PRR16: variants seen among roughly 807,000 people sequenced by gnomAD.
PRR16 encodes proline rich 16.
PRR16 carries 6 observed loss-of-function variants against 18.2 expected under a neutral mutation model. The ratio of observed to expected loss-of-function variants is 0.33; its 90% CI spans 0.18 to 0.65. The LOEUF (loss-of-function observed/expected upper bound fraction) is 0.65, where lower values mean the gene tolerates loss of function less well. Among genes scored for constraint, PRR16 ranks in the 30% least tolerant of loss-of-function variants. The pLI is 0.74. For synonymous variants in PRR16, 151 were observed against 147.8 expected (o/e 1.02, Z -0.16); for missense variants, 412 against 376.6 (o/e 1.09, Z -0.78).
At chr5:120,669,588 C>G (rs1756524068) in intron 1 of PRR16, among the ~76,000 whole-genome samples, 1 of 151,924 alleles carries the variant, frequency 6.6e-6, no homozygotes, top group Non-Finnish European at 1.5e-5. Context: ...TATATCTAAT[C>G]CTCCACATAC....
chr5:120,471,809 C>G (rs1225760209), intron 1 of PRR16, among the ~76,000 whole-genome samples: 1 of 152,000 alleles, frequency 6.6e-6, no homozygotes, highest in South Asian at 2.1e-4. Flanking sequence ...TAAACAAGAA[C>G]CAGAAAGTAG....
At position 120,597,382 on chromosome 5, in the gene PRR16, T is replaced by C. The variant is rs539380809; in HGVS notation, c.160-88572T>C. Among the ~76,000 whole-genome samples, 10 of 151,866 alleles carry C rather than the reference T, an allele frequency of 6.6e-5. No homozygotes were observed. In the East Asian group the frequency reaches 1.2e-3, roughly 18 times the overall value. On this transcript the variant is annotated intron_variant, in intron 1 of 1. Transcript: ENST00000407149. ...ATAAAACTATATTTTCCTGTGTTTT[T>C]TCTAAAATTTTATGTATTTTAAGAA...
chr5:120,554,546 G>A (rs1037961826), intron 1 of PRR16, among the ~76,000 whole-genome samples: 1 of 151,854 alleles, frequency 6.6e-6, no homozygotes, highest in Non-Finnish European at 1.5e-5. Flanking sequence ...ATTGCAACTT[G>A]GATTCAATCT....
chr5:120,645,941 T>A (rs75964398), intron 1 of PRR16, among the ~76,000 whole-genome samples: 39,201 of 151,246 alleles, frequency 0.26, 6,111 homozygotes, highest in Middle Eastern at 0.41. Context: ...CTATCTCTTA[T>A]TGCCCAATAT....
the PRR16 span, among the ~76,000 whole-genome samples, chr5:120,778,798 C>T: frequency 1.4e-4 from 21 of 152,014 alleles, no homozygotes; most frequent in Non-Finnish European, 2.9e-4. Flanking sequence ...ATTTGAAAGC[C>T]AGAGGAAAAA....
chr5:120,739,646 T>A, the PRR16 span, among the ~76,000 whole-genome samples: 4 of 152,282 alleles, frequency 2.6e-5, no homozygotes, highest in South Asian at 8.3e-4. Context: ...AATTTAAACC[T>A]AACAATAGCA....
At chr5:120,751,964 C>T in the PRR16 span, among the ~76,000 whole-genome samples, 2 of 151,944 alleles carry the variant, frequency 1.3e-5, no homozygotes, top group East Asian at 3.9e-4. Flanking sequence ...CAAAGATTTC[C>T]ACTTTATCTT....
chr5:120,782,558 T>C, the PRR16 span, among the ~76,000 whole-genome samples: 1 of 152,104 alleles, frequency 6.6e-6, no homozygotes, highest in South Asian at 2.1e-4. Context: ...TGCTTCCCTC[T>C]ATCTCAGTGG....
the PRR16 span, among the ~76,000 whole-genome samples, chr5:120,766,516 ATCTTTCTTTGTGGGT>A: frequency 6.6e-6 from 1 of 151,840 alleles, no homozygotes; most frequent in Non-Finnish European, 1.5e-5. Flanking sequence ...CATTGCAAAC[ATCTTTCTTTGTGGGT>A]TATGTTTTCA....
chr5:120,573,903 GTA>G (rs5870899), intron 1 of PRR16, among the ~76,000 whole-genome samples: 39,758 of 150,342 alleles, frequency 0.26, 5,480 homozygotes, highest in African/African-American at 0.29. Context: ...TGATATGTGT[GTA>G]TATATATATA....
At chr5:120,767,547 A>T in the PRR16 span, among the ~76,000 whole-genome samples, 2 of 151,894 alleles carry the variant, frequency 1.3e-5, no homozygotes, top group Non-Finnish European at 2.9e-5. Flanking sequence ...TTGAAGAGTC[A>T]AAGATTTTTT....
intron 1 of PRR16, among the ~76,000 whole-genome samples, chr5:120,572,059 A>G (rs1752924839): frequency 6.6e-6 from 1 of 152,208 alleles, no homozygotes. Flanking sequence ...CCGAAAGACC[A>G]GAAGTGGTAG....
chr5:120,583,412 A>G (rs1446013487), intron 1 of PRR16, among the ~76,000 whole-genome samples: 1 of 152,112 alleles, frequency 6.6e-6, no homozygotes, highest in Non-Finnish European at 1.5e-5. Context: ...GAAAGTCTAG[A>G]AAACCAGGTA....
chr5:120,794,541 A>G, the PRR16 span, among the ~76,000 whole-genome samples: 1 of 152,142 alleles, frequency 6.6e-6, no homozygotes. Context: ...GATGACGCCC[A>G]TATAAGATGG....
At chr5:120,775,527 C>T in the PRR16 span, among the ~76,000 whole-genome samples, 1 of 152,078 alleles carries the variant, frequency 6.6e-6, no homozygotes, top group African/African-American at 2.4e-5. Flanking sequence ...TAATAGTTTC[C>T]TAACCTGCTA....
the PRR16 span, among the ~76,000 whole-genome samples, chr5:120,786,991 T>G: frequency 6.6e-6 from 1 of 152,110 alleles, no homozygotes; most frequent in East Asian, 1.9e-4. Context: ...ACTTATATGG[T>G]TTTAAGCCAA....
chr5:120,741,884 A>G, the PRR16 span, among the ~76,000 whole-genome samples: 1 of 152,218 alleles, frequency 6.6e-6, no homozygotes, highest in Non-Finnish European at 1.5e-5. Flanking sequence ...TGCAGGCATG[A>G]GCCACCGCAC....
chr5:120,617,590 T>G (rs1754557292), intron 1 of PRR16, among the ~76,000 whole-genome samples: 1 of 152,190 alleles, frequency 6.6e-6, no homozygotes, highest in African/African-American at 2.4e-5. Flanking sequence ...TGTTAGAATA[T>G]TCACACTTTT....
chr5:120,683,600 G>T (rs1757037130), intron 1 of PRR16, among the ~76,000 whole-genome samples: 1 of 151,524 alleles, frequency 6.6e-6, no homozygotes, highest in Non-Finnish European at 1.5e-5. Flanking sequence ...TTTTACTGCA[G>T]TTCACTATTA....
Sources: gnomAD v4.1 joint callset for allele counts (sites outside exome capture counted in the v4.1 genomes callset) on GRCh38, gnomAD v4.1.1 for gene constraint, MANE v1.5 for transcripts, NCBI Gene and HGNC (gene_info 2026-07-23, HGNC 2026-07-21) for gene names.